Variants in ARHGEF28 observed in about 807,000 individuals in gnomAD.
The protein encoded by ARHGEF28 is Rho guanine nucleotide exchange factor 28.
A neutral mutation model predicts 206.6 loss-of-function variants in ARHGEF28; 152 were observed. The observed-to-expected ratio is 0.74, with a 90% CI of 0.64 to 0.84. ARHGEF28 has a LOEUF of 0.84. ARHGEF28 is among the 40% of genes least tolerant of loss of function. ARHGEF28 has a pLI of 0.00. For missense variants in ARHGEF28, 2,028 were observed against 2,073.2 expected (o/e 0.98, Z 0.42); for synonymous variants, 763 against 776.4 (o/e 0.98, Z 0.29).
chr5:73,821,713 T>G (rs1442092750), intron 9 of ARHGEF28, among the ~76,000 whole-genome samples: 1 of 152,188 alleles, frequency 6.6e-6, no homozygotes, highest in Non-Finnish European at 1.5e-5. Flanking sequence ...TTTTCCTTGA[T>G]GTGGACTAAT....
At chr5:73,781,928 G>A (rs552721240) in intron 7 of ARHGEF28, among the ~76,000 whole-genome samples, 1 of 152,104 alleles carries the variant, frequency 6.6e-6, no homozygotes, top group Admixed American at 6.5e-5. Context: ...TAATGTAAAG[G>A]GCATAGGTCT....
chr5:73,738,159 C>G (rs1271688385), intron 2 of ARHGEF28, among the ~76,000 whole-genome samples: 1 of 152,142 alleles, frequency 6.6e-6, no homozygotes, highest in Non-Finnish European at 1.5e-5. Flanking sequence ...TTCCCAGTCC[C>G]TGGGGGAGGA....
At chr5:73,783,788 A>G (rs1288171933) in intron 7 of ARHGEF28, among the ~76,000 whole-genome samples, 1 of 152,122 alleles carries the variant, frequency 6.6e-6, no homozygotes, top group Non-Finnish European at 1.5e-5. Flanking sequence ...ATATACGTTC[A>G]GTTTTAGACA....
intron 9 of ARHGEF28, among the ~76,000 whole-genome samples, chr5:73,795,816 T>G (rs1375654850): frequency 6.6e-6 from 1 of 152,120 alleles, no homozygotes; most frequent in Non-Finnish European, 1.5e-5. Context: ...AATCCCATTT[T>G]GATGCCCAGT....
At chr5:73,645,360 G>T (rs1744365218) in intron 1 of ARHGEF28, among the ~76,000 whole-genome samples, 1 of 151,956 alleles carries the variant, frequency 6.6e-6, no homozygotes, top group African/African-American at 2.4e-5. Flanking sequence ...AGGTTGTTAG[G>T]GTTTCCAATC....
At chr5:73,822,590 G>A (rs1756665469) in intron 9 of ARHGEF28, among the ~76,000 whole-genome samples, 1 of 152,116 alleles carries the variant, frequency 6.6e-6, no homozygotes, top group African/African-American at 2.4e-5. Context: ...AAGAGGAATG[G>A]GCGAGGAGAT....
At chr5:73,863,465 G>A (rs1272366407) in intron 16 of ARHGEF28, 4 of 151,808 alleles carry the variant, frequency 2.6e-5, no homozygotes, top group African/African-American at 9.7e-5. Flanking sequence ...TAATTTCATA[G>A]CTCGGCTTTG....
chr5:73,794,370 T>G, intron 7 of ARHGEF28, 32 bp from the exon 8 acceptor site: 1 of 1,558,324 alleles, frequency 6.4e-7, no homozygotes, highest in Non-Finnish European at 8.7e-7. Context: ...AAAGCTCCCA[T>G]CAGCAGATCC....
Position 73,846,215 on chromosome 5 carries a change from A to G in ARHGEF28, c.1428-53A>G, listed in dbSNP as rs901783546. On this transcript the variant is annotated intron_variant, in intron 11 of 35. Transcript: ENST00000513042. ...GGATTCAGAGAAGTAGAAACCAATG[A>G]CGCTCTGTGTCCTTCCTTGCTTCTT... 111 of 1,540,186 alleles carry G rather than the reference A, an allele frequency of 7.2e-5. 1 individual carries two copies. The highest frequency in any genetic ancestry group is 8.7e-5 in the Non-Finnish European group (98 of 1,124,168).
At chr5:73,775,910 CACATAATTTGAATCAACACAACAT>C (rs1309915204) in intron 5 of ARHGEF28, among the ~76,000 whole-genome samples, 1 of 37,790 alleles carries the variant, frequency 2.6e-5, no homozygotes, top group South Asian at 7.7e-4. Flanking sequence ...CTCCAAAAAA[CACATAATTTGAATCAACACAACAT>C]TTAGGTTGGA....
chr5:73,742,881 G>T (rs1751523755), intron 2 of ARHGEF28, among the ~76,000 whole-genome samples: 1 of 150,284 alleles, frequency 6.7e-6, no homozygotes, highest in Non-Finnish European at 1.5e-5. Flanking sequence ...AATATTGCTA[G>T]GTACTTTAAT....
At chr5:73,784,368 C>T (rs1045300168) in intron 7 of ARHGEF28, among the ~76,000 whole-genome samples, 3 of 152,096 alleles carry the variant, frequency 2.0e-5, no homozygotes, top group Non-Finnish European at 4.4e-5. Context: ...AGTTATGTTT[C>T]TATAGTTTTA....
At chr5:73,642,785 A>C (rs1376284265) in intron 1 of ARHGEF28, among the ~76,000 whole-genome samples, 1 of 152,076 alleles carries the variant, frequency 6.6e-6, no homozygotes. Flanking sequence ...TTTAAGACTG[A>C]TTTTAGTTAG....
intron 22 of ARHGEF28, among the ~76,000 whole-genome samples, chr5:73,878,735 G>A (rs1760704932): frequency 6.6e-6 from 1 of 150,980 alleles, no homozygotes; most frequent in Non-Finnish European, 1.5e-5. Context: ...TTTTCTTTAA[G>A]AATGTTGAAT....
chr5:73,924,730 T>C (rs1763705995), intron 35 of ARHGEF28, among the ~76,000 whole-genome samples: 1 of 152,164 alleles, frequency 6.6e-6, no homozygotes, highest in South Asian at 2.1e-4. Flanking sequence ...TCAAATAATA[T>C]TGAGAAATGC....
intron 15 of ARHGEF28, 139 bp from the exon 16 acceptor site, chr5:73,857,948 G>A: frequency 7.3e-7 from 1 of 1,375,990 alleles, no homozygotes; most frequent in South Asian, 1.4e-5. Context: ...GTGTTATGGT[G>A]TCCCTCTGTG....
intron 4 of ARHGEF28, among the ~76,000 whole-genome samples, chr5:73,771,917 G>T (rs928704917): frequency 1.3e-5 from 2 of 152,086 alleles, no homozygotes; most frequent in Non-Finnish European, 2.9e-5. Context: ...GGAGTGTATT[G>T]CCTTGTCTGT....
At chr5:73,926,926 G>A (rs1321536214) in intron 35 of ARHGEF28, among the ~76,000 whole-genome samples, 1 of 152,194 alleles carries the variant, frequency 6.6e-6, no homozygotes, top group Non-Finnish European at 1.5e-5. Context: ...AGTAGCTGAT[G>A]CTAGTCTTCA....
intron 2 of ARHGEF28, among the ~76,000 whole-genome samples, chr5:73,743,522 C>A (rs1054849128): frequency 1.3e-5 from 2 of 152,162 alleles, no homozygotes; most frequent in Admixed American, 6.5e-5. Context: ...TTTTAGTTAA[C>A]CTTCTTTTAA....
Sources: gnomAD v4.1 joint callset for allele counts (sites outside exome capture counted in the v4.1 genomes callset) on GRCh38, gnomAD v4.1.1 for gene constraint, MANE v1.5 for transcripts, NCBI Gene and HGNC (gene_info 2026-07-23, HGNC 2026-07-21) for gene names.